Variants in DLG2 observed in about 807,000 individuals in gnomAD.
The protein encoded by DLG2 is disks large homolog 2.
A neutral mutation model predicts 132.5 loss-of-function variants in DLG2; 45 were observed. The ratio of observed to expected loss-of-function variants is 0.34; its 90% confidence interval spans 0.27 to 0.44. The LOEUF is 0.44. Among genes scored for constraint, DLG2 ranks in the 20% least tolerant of loss-of-function variants. DLG2 has a pLI of 1.00. For synonymous variants in DLG2, 424 were observed against 419.6 expected, an observed-to-expected ratio of 1.01 and a Z score of -0.13; for missense variants, 1,045 against 1,196.9, an observed-to-expected ratio of 0.87 and a Z score of 1.87.
chr11:83,851,142 A>T (rs938213929), intron 16 of DLG2, among the ~76,000 whole-genome samples: 1 of 149,156 alleles, frequency 6.7e-6, no homozygotes, highest in African/African-American at 2.5e-5. Context: ...GCGGCACTGT[A>T]CTCCAGCCTG....
At chr11:85,376,572 G>T (rs1470608039) in intron 3 of DLG2, among the ~76,000 whole-genome samples, 1 of 152,080 alleles carries the variant, frequency 6.6e-6, no homozygotes, top group East Asian at 1.9e-4. Context: ...TTTTTAAAAA[G>T]ACTACTCATT....
At chr11:85,341,753 A>G (rs2082519078) in intron 3 of DLG2, among the ~76,000 whole-genome samples, 1 of 152,216 alleles carries the variant, frequency 6.6e-6, no homozygotes, top group South Asian at 2.1e-4. Flanking sequence ...TCATCATTCT[A>G]TAAAAATCAT....
At chr11:85,463,989 T>TACACAC (rs374003945) in intron 3 of DLG2, among the ~76,000 whole-genome samples, 1 of 139,322 alleles carries the variant, frequency 7.2e-6, no homozygotes, top group South Asian at 2.4e-4. Context: ...GACATACATG[T>TACACAC]ACACACACAC....
chr11:83,618,897 C>T (rs1022502677), intron 19 of DLG2, among the ~76,000 whole-genome samples: 1 of 152,198 alleles, frequency 6.6e-6, no homozygotes, highest in African/African-American at 2.4e-5. Flanking sequence ...GATCCTGGAG[C>T]AGAATTTGTG....
intron 18 of DLG2, among the ~76,000 whole-genome samples, chr11:83,767,155 A>G (rs2094178871): frequency 6.6e-6 from 1 of 152,224 alleles, no homozygotes; most frequent in Non-Finnish European, 1.5e-5. Flanking sequence ...TGACGTAATC[A>G]TAGGTTTTAG....
intron 18 of DLG2, among the ~76,000 whole-genome samples, chr11:83,652,872 C>T (rs2071035404): frequency 6.6e-6 from 1 of 152,092 alleles, no homozygotes; most frequent in African/African-American, 2.4e-5. Flanking sequence ...AGTTTCATAT[C>T]CCACCAAGTT....
intron 6 of DLG2, among the ~76,000 whole-genome samples, chr11:85,006,672 A>C (rs1420575369): frequency 1.3e-5 from 2 of 152,106 alleles, no homozygotes; most frequent in Non-Finnish European, 2.9e-5. Context: ...TTTTTCAAAA[A>C]AAACAGTTCC....
chr11:84,498,371 G>A (rs561644891), intron 7 of DLG2, among the ~76,000 whole-genome samples: 1 of 152,018 alleles, frequency 6.6e-6, no homozygotes. Context: ...TGGGTTCAGG[G>A]GAAGCAGATG....
chr11:85,276,013 A>C (rs2152744670), intron 4 of DLG2, among the ~76,000 whole-genome samples: 1 of 152,332 alleles, frequency 6.6e-6, no homozygotes, highest in African/African-American at 2.4e-5. Flanking sequence ...CCATGGACGG[A>C]GTCTAAGGCA....
At chr11:85,357,586 A>C (rs1191576982) in intron 3 of DLG2, among the ~76,000 whole-genome samples, 1 of 139,450 alleles carries the variant, frequency 7.2e-6, no homozygotes, top group African/African-American at 2.7e-5. Flanking sequence ...TCTTTTCCTG[A>C]CACTTAAAAG....
chr11:84,830,336 T>C (rs1245497893), intron 6 of DLG2, among the ~76,000 whole-genome samples: 1 of 150,998 alleles, frequency 6.6e-6, no homozygotes, highest in African/African-American at 2.4e-5. Flanking sequence ...TAGCTCTCTG[T>C]CTAAATGAAA....
intron 19 of DLG2, among the ~76,000 whole-genome samples, chr11:83,579,960 A>T (rs2096941446): frequency 6.6e-6 from 1 of 151,894 alleles, no homozygotes; most frequent in Non-Finnish European, 1.5e-5. Flanking sequence ...ACAGAGCGAG[A>T]CTCTATCTCA....
intron 7 of DLG2, among the ~76,000 whole-genome samples, chr11:84,348,002 G>A (rs2098546504): frequency 6.6e-6 from 1 of 151,980 alleles, no homozygotes; most frequent in South Asian, 2.1e-4. Flanking sequence ...CTAAAATTTG[G>A]AACAACAATA....
intron 7 of DLG2, among the ~76,000 whole-genome samples, chr11:84,516,331 T>G (rs2154515371): frequency 6.6e-6 from 1 of 151,644 alleles, no homozygotes; most frequent in South Asian, 2.1e-4. Context: ...AACTTTTAGC[T>G]AGACTAAGTA....
chr11:84,997,543 T>C (rs762167852), intron 6 of DLG2: 15 of 152,196 alleles, frequency 9.9e-5, no homozygotes, highest in Admixed American at 5.9e-4. Context: ...TCCAAAGCTA[T>C]TGATGAAGGA....
chr11:83,473,518 T>C (rs2092307769), intron 22 of DLG2, among the ~76,000 whole-genome samples: 1 of 152,132 alleles, frequency 6.6e-6, no homozygotes, highest in Non-Finnish European at 1.5e-5. Flanking sequence ...TGCCATTTAT[T>C]TTTTCAATCA....
chr11:84,279,105 TAAAC>T (rs2097822701), intron 7 of DLG2, among the ~76,000 whole-genome samples: 1 of 151,946 alleles, frequency 6.6e-6, no homozygotes, highest in African/African-American at 2.4e-5. Context: ...ACAAAGAACT[TAAAC>T]AAATTTACAA....
intron 7 of DLG2, among the ~76,000 whole-genome samples, chr11:84,394,333 T>C (rs955554618): frequency 6.8e-6 from 1 of 146,948 alleles, no homozygotes; most frequent in African/African-American, 2.6e-5. Flanking sequence ...TGCCAAAGTC[T>C]TTCAGTTTTT....
At chr11:85,201,523 A>G (rs995399228) in intron 4 of DLG2, among the ~76,000 whole-genome samples, 1 of 152,216 alleles carries the variant, frequency 6.6e-6, no homozygotes, top group Non-Finnish European at 1.5e-5. Flanking sequence ...CACGCAAGAC[A>G]CATGGCTTGG....
Sources: allele counts gnomAD v4.1 joint callset (sites outside exome capture counted in the v4.1 genomes callset), GRCh38; gene constraint gnomAD v4.1.1; transcripts MANE v1.5; gene names NCBI Gene and HGNC (gene_info 2026-07-23, HGNC 2026-07-21).